ELL: variants seen among roughly 807,000 people sequenced by gnomAD.
ELL encodes the protein RNA polymerase II elongation factor ELL.
ELL carries 18 observed loss-of-function variants against 64.0 expected under a neutral mutation model. The ratio of observed to expected loss-of-function variants is 0.28; its 90% CI spans 0.19 to 0.42. ELL has a LOEUF of 0.42. ELL is among the 10% of genes least tolerant of loss of function. The pLI is 1.00. For missense variants in ELL, 797 were observed against 870.4 expected (o/e 0.92, Z 1.06); for synonymous variants, 399 against 376.2 (o/e 1.06, Z -0.70).
chr19:18,444,960 C>A, intron 11 of ELL, 92 bp from the exon 12 acceptor site: 1 of 1,400,914 alleles, frequency 7.1e-7, no homozygotes, highest in Non-Finnish European at 9.7e-7. Flanking sequence ...AACCAAAAAC[C>A]TGGGCTTGGT....
intron 1 of ELL, among the ~76,000 whole-genome samples, chr19:18,509,593 G>GCGCGCGCGCGCACACA (rs1438642062): frequency 4.8e-5 from 4 of 83,240 alleles, no homozygotes; most frequent in Non-Finnish European, 8.7e-5. Flanking sequence ...GCGCGCGCGC[G>GCGCGCGCGCGCACACA]CACATACACA....
intron 1 of ELL, among the ~76,000 whole-genome samples, chr19:18,489,195 C>G (rs1312526683): frequency 2.0e-5 from 3 of 152,234 alleles, no homozygotes; most frequent in African/African-American, 7.2e-5. Flanking sequence ...CAGGAGACAG[C>G]AGGAGCTCTG....
At chr19:18,495,426 C>G (rs1975628078) in intron 1 of ELL, among the ~76,000 whole-genome samples, 3 of 152,196 alleles carry the variant, frequency 2.0e-5, no homozygotes, top group South Asian at 2.1e-4. Flanking sequence ...CCATTCCCAC[C>G]CACTCACTCG....
chr19:18,446,327 C>T lies in ELL; in HGVS notation c.1686G>A (p.Gln562=), dbSNP rs1210036405. ...QLDAQLRQLS[Q]GSEEYETTRG... is the part of the protein sequence containing the mutation. ...GCTCTACCTCATACTCCTCGGAGCC[C>T]TGGGAGAGCTGCCGGAGCTGGGCGT... Residue 562 remains glutamine, a synonymous_variant, in exon 10 of 12, where the codon CAG becomes CAA. Transcript: ENST00000262809. 3 of 1,593,320 alleles carry T rather than the reference C, an allele frequency of 1.9e-6. No homozygotes were observed. In the African/African-American group the frequency reaches 4.0e-5, roughly 21 times the overall value.
intron 6 of ELL, among the ~76,000 whole-genome samples, chr19:18,455,050 A>G (rs910517061): frequency 6.9e-6 from 1 of 144,166 alleles, no homozygotes; most frequent in Admixed American, 6.9e-5. Flanking sequence ...CTGAGGCAGG[A>G]GAATTGCTTG....
intron 1 of ELL, among the ~76,000 whole-genome samples, chr19:18,490,352 C>T (rs1268929585): frequency 6.6e-6 from 1 of 152,180 alleles, no homozygotes; most frequent in Non-Finnish European, 1.5e-5. Context: ...TCTGGGCCGA[C>T]ACAGCAGGGA....
chr19:18,486,090 C>A (rs552301814), intron 1 of ELL, among the ~76,000 whole-genome samples: 51 of 152,280 alleles, frequency 3.3e-4, no homozygotes, highest in Middle Eastern at 3.4e-3. Flanking sequence ...GAGAGCACAG[C>A]CACCCCCTGC....
chr19:18,459,863 C>A (rs1974765797), intron 5 of ELL, among the ~76,000 whole-genome samples: 1 of 152,198 alleles, frequency 6.6e-6, no homozygotes, highest in South Asian at 2.1e-4. Flanking sequence ...AATATCCCAC[C>A]CCCAAACTGC....
At chr19:18,511,620 C>T (rs1476113152) in intron 1 of ELL, among the ~76,000 whole-genome samples, 1 of 152,154 alleles carries the variant, frequency 6.6e-6, no homozygotes, top group East Asian at 1.9e-4. Context: ...CTGCCCACCA[C>T]CCACCATACC....
chr19:18,513,661 G>A (rs563877364), intron 1 of ELL, among the ~76,000 whole-genome samples: 16 of 152,354 alleles, frequency 1.1e-4, no homozygotes, highest in African/African-American at 3.6e-4. Flanking sequence ...GCTGGGCCCA[G>A]TGGCTCACGC....
At chr19:18,488,337 G>A (rs969425544) in intron 1 of ELL, among the ~76,000 whole-genome samples, 5 of 152,238 alleles carry the variant, frequency 3.3e-5, no homozygotes, top group African/African-American at 1.2e-4. Flanking sequence ...ATAGAACCCA[G>A]AGCACAGCTC....
intron 4 of ELL, among the ~76,000 whole-genome samples, chr19:18,463,268 G>A (rs28537851): frequency 0.017 from 2,579 of 151,890 alleles, 73 homozygotes; most frequent in African/African-American, 0.058. Context: ...TGATTGACAG[G>A]GAGGAGGAGC....
intron 10 of ELL, 98 bp from the exon 11 acceptor site, chr19:18,445,366 A>G: frequency 1.9e-6 from 1 of 537,176 alleles, no homozygotes; most frequent in Non-Finnish European, 3.7e-6. Flanking sequence ...GGGGCATGGG[A>G]GGGTGGGGCA....
In ELL at chr19:18,450,631, G is replaced by A. The variant is rs541916427; in HGVS notation, c.1311C>T (p.Ser437=). ...LPLLTDCAQP[S]RPHGSPSRSK... Reference sequence around the variant, plus strand: ...TGCGCGAGGGGCTGCCGTGTGGCCTGCTGGGCTGGGCACAGTCCGTCAGCA... The same window carrying A: ...TGCGCGAGGGGCTGCCGTGTGGCCTACTGGGCTGGGCACAGTCCGTCAGCA... The change falls in exon 8 of 12, where the codon AGC becomes AGT. Residue 437 remains serine (S), a synonymous_variant. Coordinates refer to ENST00000262809, the MANE Select transcript of ELL (RefSeq NM_006532.4). 39 of 1,607,406 alleles carry A rather than the reference G, an allele frequency of 2.4e-5. No individual in the cohort carries two copies. In the East Asian group the frequency reaches 3.6e-4, roughly 15 times the overall value.
chr19:18,465,766 C>G, intron 3 of ELL, 31 bp downstream of exon 3: 2 of 1,421,424 alleles, frequency 1.4e-6, no homozygotes. Flanking sequence ...CAAGAGCCGG[C>G]GGGGTGCTCT....
chr19:18,462,340 T>TGTGG (rs1974842303), intron 4 of ELL, among the ~76,000 whole-genome samples: 1 of 75,692 alleles, frequency 1.3e-5, no homozygotes, highest in Non-Finnish European at 2.1e-5. Context: ...GTGGGCTGTG[T>TGTGG]GTGTGTGTGT....
intron 6 of ELL, among the ~76,000 whole-genome samples, chr19:18,451,861 CCT>C (rs1322710335): frequency 1.3e-5 from 2 of 152,206 alleles, no homozygotes; most frequent in African/African-American, 4.8e-5. Flanking sequence ...TCACTGTCCC[CCT>C]GAGCCCAGAG....
chr19:18,462,262 T>A (rs1974837178), intron 4 of ELL, among the ~76,000 whole-genome samples: 1 of 142,426 alleles, frequency 7.0e-6, no homozygotes, highest in Admixed American at 7.2e-5. Flanking sequence ...TATGTGTGTG[T>A]GAGAAATCAC....
chr19:18,446,927 T>C lies in ELL; in HGVS notation c.1466-113A>G, dbSNP rs1488395198. ...TGTACACTTTGCTGCTGGAGGGACA[T>C]AGAGGGATAGCAGAGGGGATGACTG... On this transcript the variant is annotated intron_variant, in intron 8 of 11. Transcript: ENST00000262809. 8.1e-5 allele frequency: 93 copies of C among 1,147,068 alleles called. 2 individuals are homozygous for C. In the South Asian group the frequency reaches 9.4e-4, roughly 12 times the overall value. 71.1% of individuals were successfully genotyped at this position (1,147,068 alleles called of 1,614,324 possible).
Sources: allele counts gnomAD v4.1 joint callset (sites outside exome capture counted in the v4.1 genomes callset), GRCh38; gene constraint gnomAD v4.1.1; transcripts MANE v1.5; gene names NCBI Gene and HGNC (gene_info 2026-07-23, HGNC 2026-07-21).